Variants in DCC observed in about 807,000 individuals in gnomAD.
DCC encodes netrin receptor DCC.
A neutral mutation model predicts 172.5 loss-of-function variants in DCC; 58 were observed. The observed-to-expected ratio is 0.34, with a 90% confidence interval of 0.27 to 0.42. The LOEUF is 0.42. Ranked by LOEUF, DCC falls within the 10% of genes least tolerant of loss-of-function variation. The pLI, the probability that DCC is intolerant of heterozygous loss-of-function variation, is 1.00. For synonymous variants in DCC, 709 were observed against 644.5 expected (o/e 1.10, Z -1.52); for missense variants, 1,740 against 1,791.0 (o/e 0.97, Z 0.51).
chr18:52,425,406 A>G (rs1787729), intron 1 of DCC, among the ~76,000 whole-genome samples: 61,844 of 151,918 alleles, frequency 0.41, 14,042 homozygotes, highest in East Asian at 0.7. Flanking sequence ...AACCAGAGCC[A>G]TTGCTCAAAT....
chr18:52,723,440 C>A (rs1303503466), intron 1 of DCC, among the ~76,000 whole-genome samples: 1 of 152,132 alleles, frequency 6.6e-6, no homozygotes, highest in Non-Finnish European at 1.5e-5. Context: ...AACACCAAGG[C>A]ATTGTAGAAC....
intron 2 of DCC, among the ~76,000 whole-genome samples, chr18:52,833,621 C>T (rs1275552346): frequency 6.6e-6 from 1 of 152,156 alleles, no homozygotes; most frequent in Non-Finnish European, 1.5e-5. Context: ...TCTGGAGCCA[C>T]CACATTTTGA....
intron 1 of DCC, among the ~76,000 whole-genome samples, chr18:52,683,693 T>G (rs149454460): frequency 6.6e-6 from 1 of 152,174 alleles, no homozygotes; most frequent in East Asian, 1.9e-4. Context: ...GCTTCACTGA[T>G]GGAAAGGGGA....
chr18:53,191,870 T>C (rs2055371268), intron 9 of DCC, among the ~76,000 whole-genome samples: 1 of 152,032 alleles, frequency 6.6e-6, no homozygotes, highest in Non-Finnish European at 1.5e-5. Flanking sequence ...TGGGGTTGGC[T>C]AGAGAAAGGG....
intron 13 of DCC, among the ~76,000 whole-genome samples, chr18:53,313,770 G>C (rs747009064): frequency 6.6e-6 from 1 of 152,158 alleles, no homozygotes; most frequent in Non-Finnish European, 1.5e-5. Flanking sequence ...CTAGCATAGG[G>C]CATGTGGGCC....
At chr18:52,855,763 C>CTTTTTTTTTT (rs71175526) in intron 2 of DCC, among the ~76,000 whole-genome samples, 2 of 121,242 alleles carry the variant, frequency 1.6e-5, no homozygotes, top group Non-Finnish European at 3.4e-5. Context: ...CGTATAAATT[C>CTTTTTTTTTT]TTTTTTTTTT....
chr18:52,345,068 GCAC>G (rs2144228308), intron 1 of DCC, among the ~76,000 whole-genome samples: 1 of 152,258 alleles, frequency 6.6e-6, no homozygotes, highest in African/African-American at 2.4e-5. Context: ...TCAGAAACTT[GCAC>G]CAAATTGGGA....
chr18:53,452,199 G>A (rs963784513), intron 23 of DCC, among the ~76,000 whole-genome samples: 6 of 152,194 alleles, frequency 3.9e-5, no homozygotes, highest in African/African-American at 1.4e-4. Context: ...ACGGAACAGT[G>A]GAACATCAAG....
intron 7 of DCC, among the ~76,000 whole-genome samples, chr18:53,108,292 G>T (rs962399117): frequency 2.0e-5 from 3 of 151,594 alleles, no homozygotes; most frequent in East Asian, 1.9e-4. Context: ...CTTTCTAATT[G>T]CTTGCCTATG....
chr18:52,893,723 A>G (rs916895620), intron 2 of DCC, among the ~76,000 whole-genome samples: 3 of 152,152 alleles, frequency 2.0e-5, no homozygotes, highest in Admixed American at 6.5e-5. Context: ...ATAACATGAT[A>G]TAACATGTTA....
intron 2 of DCC, among the ~76,000 whole-genome samples, chr18:52,901,840 C>T (rs900430127): frequency 2.6e-5 from 4 of 152,164 alleles, no homozygotes; most frequent in African/African-American, 9.7e-5. Context: ...ATTTACTTCA[C>T]AGAAATAAAA....
intron 1 of DCC, among the ~76,000 whole-genome samples, chr18:52,587,784 C>T (rs971193336): frequency 2.6e-5 from 4 of 152,142 alleles, no homozygotes; most frequent in African/African-American, 7.2e-5. Context: ...CGTGCAGAAC[C>T]ATCTGTGAAC....
Position 52,439,174 on chromosome 18 carries a change from T to TTATGTGTGTG in DCC, c.91+98297_91+98298insATGTGTGTGT, listed in dbSNP as rs74178668. On this transcript the variant is annotated intron_variant, in intron 1 of 28. Transcript: ENST00000442544. Reference sequence around the variant, plus strand: ...CTGTTAATATTTTGGAAGATATGTTTTGTGTGTGTGTGTGTGTGTGTGTGT... The same window carrying TTATGTGTGTG: ...CTGTTAATATTTTGGAAGATATGTTTTATGTGTGTGTGTGTGTGTGTGTGTGTGTGTGTGT... 5.4e-3 allele frequency among the ~76,000 whole-genome samples: 786 copies of TTATGTGTGTG among 144,838 alleles called. 3 individuals are homozygous for TTATGTGTGTG. The highest frequency in any genetic ancestry group is 6.8e-3 in the South Asian group (30 of 4,444).
chr18:53,432,026 T>A (rs867351214), intron 21 of DCC, among the ~76,000 whole-genome samples: 4 of 152,136 alleles, frequency 2.6e-5, no homozygotes, highest in African/African-American at 9.7e-5. Context: ...AAAAAAGTAA[T>A]TCAAGATTTT....
intron 7 of DCC, among the ~76,000 whole-genome samples, chr18:53,087,855 A>T (rs1413124550): frequency 6.6e-6 from 1 of 151,866 alleles, no homozygotes; most frequent in Non-Finnish European, 1.5e-5. Context: ...TTTATTATAT[A>T]GGGAATCCTT....
chr18:52,986,778 C>T (rs1450924230), intron 5 of DCC, among the ~76,000 whole-genome samples: 2 of 148,456 alleles, frequency 1.3e-5, no homozygotes, highest in African/African-American at 2.6e-5. Context: ...TATACACATA[C>T]ATATGCATAT....
chr18:52,848,468 C>A (rs1598863941), intron 2 of DCC, among the ~76,000 whole-genome samples: 1 of 152,150 alleles, frequency 6.6e-6, no homozygotes, highest in South Asian at 2.1e-4. Context: ...GGACAAAGGA[C>A]ACACATTTTG....
At chr18:53,389,087 G>T (rs1908375612) in intron 16 of DCC, among the ~76,000 whole-genome samples, 1 of 152,112 alleles carries the variant, frequency 6.6e-6, no homozygotes, top group Non-Finnish European at 1.5e-5. Context: ...CCCATCTAAA[G>T]TTCATTTTGA....
chr18:52,391,430 T>A (rs529200142), intron 1 of DCC, among the ~76,000 whole-genome samples: 1 of 152,152 alleles, frequency 6.6e-6, no homozygotes, highest in East Asian at 1.9e-4. Flanking sequence ...AACTGAAATA[T>A]ATAGTTTAAA....
Sources: gnomAD v4.1 joint callset for allele counts (sites outside exome capture counted in the v4.1 genomes callset) on GRCh38, gnomAD v4.1.1 for gene constraint, MANE v1.5 for transcripts, NCBI Gene and HGNC (gene_info 2026-07-23, HGNC 2026-07-21) for gene names.